DIDO1: variants seen among roughly 807,000 people sequenced by gnomAD.
The protein encoded by DIDO1 is death inducer-obliterator 1.
In DIDO1, 16 loss-of-function variants were observed where a neutral mutation model predicts 99.4. The ratio of observed to expected loss-of-function variants is 0.16; its 90% CI spans 0.11 to 0.24. The LOEUF is 0.24. DIDO1 is among the 10% of genes least tolerant of loss of function. The probability of loss-of-function intolerance (pLI) is 1.00; values close to 1 mark genes in which losing one functional copy is unlikely to be tolerated. For missense variants in DIDO1, 2,996 were observed against 3,014.0 expected (o/e 0.99, Z 0.14); for synonymous variants, 1,366 against 1,239.1 (o/e 1.10, Z -2.15).
In DIDO1 at chr20:62,887,244, G is replaced by A; in HGVS notation, c.3541+3716C>T. On this transcript the variant is annotated intron_variant, in intron 15 of 15. Transcript: ENST00000395343. ...ATGAAAGATGTTTATTGATTTAGGA[G>A]GAGAAGGCAGTACATTCCATTCAAT... The A allele has an allele frequency of 3.0e-6, 3 of 985,488 alleles. No individual in the cohort carries two copies. The South Asian group carries it at 1.4e-4, about 46-fold the overall frequency. The allele number at this position is 985,488 out of a possible 1,614,324, so 61.0% of individuals were successfully genotyped here. A position where few individuals can be genotyped will look rare whatever the true frequency, so the allele number is the denominator to read the frequency against.
At chr20:62,886,218 C>A (rs970531996) in intron 15 of DIDO1, among the ~76,000 whole-genome samples, 3 of 152,248 alleles carry the variant, frequency 2.0e-5, no homozygotes, top group Non-Finnish European at 4.4e-5. Flanking sequence ...ACGCCAGCTG[C>A]GGCTAAACGT....
upstream of DIDO1, among the ~76,000 whole-genome samples, chr20:62,929,692 A>AAAAAAAAAAAATATATATATATAT: frequency 5.3e-4 from 34 of 63,706 alleles, no homozygotes; most frequent in African/African-American, 2.4e-3. Context: ...AAAAAGAAAA[A>AAAAAAAAAAAATATATATATATAT]GTGTATATAT....
chr20:62,922,823 G>C (rs969963687), intron 1 of DIDO1, among the ~76,000 whole-genome samples: 2 of 152,238 alleles, frequency 1.3e-5, no homozygotes, highest in Admixed American at 6.5e-5. Context: ...ACAGGGAAGA[G>C]AGCGGGTGAC....
chr20:62,896,573 C>T lies in DIDO1; in HGVS notation c.2012G>A (p.Arg671Gln), dbSNP rs1229133349. Residue 671 changes from arginine to glutamine, a missense_variant, in exon 7 of 16, where the codon CGG becomes CAG. Physicochemically the swap from Arg to Gln is conservative, Grantham distance 43. Around this residue, in one of 5 missense-constraint regions of DIDO1, gnomAD observed 898 missense variants for 972.7 expected, o/e 0.92. Coordinates refer to ENST00000395343, the MANE Select transcript of DIDO1 (RefSeq NM_001193369.2). This position sits in a 1 kb window ranked among gnomAD's most constrained non-coding sequence, Gnocchi z 4.4. ...AAPSQPNSQIRQNIRRSLKEI... is the reference protein window; with the variant it reads ...AAPSQPNSQIQQNIRRSLKEI... ...TTTTAAGGAGCGTCTGATATTTTGCCGAATTTGTGAATTTGGCTGCGATGG... is the reference window on the plus strand; with the variant it reads ...TTTTAAGGAGCGTCTGATATTTTGCTGAATTTGTGAATTTGGCTGCGATGG... 2.5e-6 allele frequency: 4 copies of T among 1,594,870 alleles called. No individual in the cohort carries two copies. Among genetic ancestry groups the T allele is most frequent in the African/African-American group, 2.7e-5 (2 of 74,000 alleles).
intron 15 of DIDO1, chr20:62,889,615 G>A (rs1568836527): frequency 1.2e-5 from 12 of 985,324 alleles, no homozygotes; most frequent in Non-Finnish European, 1.4e-5. Flanking sequence ...GGAGAGGCCA[G>A]CTTCTCGGTC....
At chr20:62,920,119 C>T (rs148606635) in intron 1 of DIDO1, among the ~76,000 whole-genome samples, 1 of 152,188 alleles carries the variant, frequency 6.6e-6, no homozygotes, top group African/African-American at 2.4e-5. Context: ...GTGAGGACCA[C>T]AATGCACAGG....
chr20:62,928,350 A>G (rs571566844), upstream of DIDO1, among the ~76,000 whole-genome samples: 1 of 152,322 alleles, frequency 6.6e-6, no homozygotes, highest in Non-Finnish European at 1.5e-5. Context: ...GTGCTCAGCG[A>G]TACGCAGAAT....
chr20:62,886,497 G>C (rs1164887379), intron 15 of DIDO1, among the ~76,000 whole-genome samples: 1 of 152,180 alleles, frequency 6.6e-6, no homozygotes, highest in Non-Finnish European at 1.5e-5. Context: ...TGTGGGCCAA[G>C]ACCAAAACCA....
chr20:62,890,558 T>G, intron 15 of DIDO1: 1 of 1,018,004 alleles, frequency 9.8e-7, no homozygotes, highest in South Asian at 4.3e-5. Flanking sequence ...GTTAGAGAAG[T>G]GATCCCTGAT....
At chr20:62,929,692 A>ACTATATATATATATATATAT, upstream of DIDO1, among the ~76,000 whole-genome samples, 2 of 63,710 alleles carry the variant, frequency 3.1e-5, no homozygotes, top group Admixed American at 1.8e-4. Flanking sequence ...AAAAAGAAAA[A>ACTATATATATATATATATAT]GTGTATATAT....
At chr20:62,933,248 G>A (rs2065349126) in intron 1 of DIDO1, among the ~76,000 whole-genome samples, 1 of 152,100 alleles carries the variant, frequency 6.6e-6, no homozygotes, top group African/African-American at 2.4e-5. Flanking sequence ...ATGTGCAGCA[G>A]ACTAAATAGT....
chr20:62,937,377 TCCAGTCA>T (rs1216150849), intron 1 of DIDO1, among the ~76,000 whole-genome samples: 6 of 151,982 alleles, frequency 3.9e-5, no homozygotes, highest in Non-Finnish European at 5.9e-5. Context: ...CGGGAGGGTC[TCCAGTCA>T]CCGAGTAACC....
chr20:62,884,584 G>T (rs1008759440), intron 15 of DIDO1, among the ~76,000 whole-genome samples: 5 of 152,230 alleles, frequency 3.3e-5, no homozygotes, highest in Admixed American at 2.0e-4. Context: ...CCACCATGTA[G>T]TTCTAAGTAC....
At position 62,881,832 on chromosome 20, in the gene DIDO1, G is replaced by C; in HGVS notation, c.4124C>G (p.Ala1375Gly). The change falls in exon 16 of 16, where the codon GCT becomes GGT. Residue 1375 changes from alanine to glycine, a missense_variant. Physicochemically the swap from Ala to Gly is moderately conservative, Grantham distance 60. Coordinates refer to ENST00000395343, the MANE Select transcript of DIDO1 (RefSeq NM_001193369.2). This position sits in a 1 kb window ranked among gnomAD's most constrained non-coding sequence, Gnocchi z 8.3. ...CCTGTCGTCCTCCTCTTCCTCTAGA[G>C]CCTTATCTTTTGAGAACTGACCGAA... ...QQFGQFSKDK[A>G]LEEEEDDRPY... is the part of the protein sequence containing the mutation. 1 of 1,613,518 alleles carries C rather than the reference G, an allele frequency of 6.2e-7. No homozygotes were observed. Among genetic ancestry groups the C allele is most frequent in the Non-Finnish European group, 8.5e-7 (1 of 1,180,006 alleles).
intron 1 of DIDO1, among the ~76,000 whole-genome samples, chr20:62,919,778 A>G (rs1267662800): frequency 6.6e-6 from 1 of 152,254 alleles, no homozygotes; most frequent in Non-Finnish European, 1.5e-5. Context: ...TGAGCTTGCA[A>G]CAATCCTGCC....
intron 1 of DIDO1, among the ~76,000 whole-genome samples, chr20:62,917,563 C>G (rs1688890082): frequency 1.3e-5 from 2 of 152,184 alleles, no homozygotes; most frequent in South Asian, 4.1e-4. Flanking sequence ...CAGGGACAGA[C>G]AGCGTTTCCG....
At chr20:62,884,194 A>T (rs1056032078) in intron 15 of DIDO1, among the ~76,000 whole-genome samples, 4 of 116,738 alleles carry the variant, frequency 3.4e-5, no homozygotes, top group African/African-American at 1.1e-4. Flanking sequence ...TTTAAGGCAC[A>T]GTATTAGTTT....
intron 6 of DIDO1, among the ~76,000 whole-genome samples, chr20:62,902,139 G>A (rs868759841): frequency 1.4e-4 from 21 of 152,284 alleles, no homozygotes; most frequent in Admixed American, 9.1e-4. Context: ...GGATGGACAG[G>A]GGCACCACGG....
At chr20:62,929,756 TTG>T (rs112850066), upstream of DIDO1, among the ~76,000 whole-genome samples, 1 of 104,134 alleles carries the variant, frequency 9.6e-6, no homozygotes, top group African/African-American at 5.2e-5. Flanking sequence ...AGCCACTGTT[TTG>T]TTTTTTTTTT....
Sources: gnomAD v4.1 joint callset for allele counts (sites outside exome capture counted in the v4.1 genomes callset) on GRCh38, gnomAD v4.1.1 for gene constraint, gnomAD v4.1.1 regional missense constraint, Gnocchi (gnomAD v3.1) non-coding constraint, MANE v1.5 for transcripts, NCBI Gene and HGNC (gene_info 2026-07-23, HGNC 2026-07-21) for gene names.